The following FNDC3A variants were observed in gnomAD, a reference collection of about 807,000 sequenced individuals.
FNDC3A encodes the protein fibronectin type-III domain-containing protein 3A.
In FNDC3A, 32 loss-of-function variants were observed where a neutral mutation model predicts 148.9. The observed-to-expected ratio is 0.21, with a 90% CI of 0.16 to 0.29. The LOEUF is 0.29. FNDC3A is among the 10% of genes least tolerant of loss of function. The probability of loss-of-function intolerance (pLI) is 1.00; values close to 1 mark genes in which losing one functional copy is unlikely to be tolerated. For synonymous variants in FNDC3A, 472 were observed against 473.6 expected (o/e 1.00, Z 0.04); for missense variants, 1,191 against 1,452.8 (o/e 0.82, Z 2.93).
At chr13:49,172,200 A>C in intron 11 of FNDC3A, 104 bp downstream of exon 11, 1 of 661,084 alleles carries the variant, frequency 1.5e-6, no homozygotes. Context: ...CTTCTGTCAA[A>C]AAAAGTATGA....
At chr13:48,976,552 C>G (rs575330295) in intron 1 of FNDC3A, 1 of 152,538 alleles carries the variant, frequency 6.6e-6, no homozygotes, top group African/African-American at 2.4e-5. Context: ...CCGCCTCCTC[C>G]CCGCGGCGAG....
chr13:49,203,247 T>G lies in FNDC3A; in HGVS notation c.3245T>G (p.Leu1082Arg). The G allele has an allele frequency of 1.2e-6, 2 of 1,608,072 alleles. No individual in the cohort carries two copies. Among genetic ancestry groups the G allele is most frequent in the African/African-American group, 1.3e-5 (1 of 74,950 alleles). Residue 1082 changes from leucine to arginine, a missense_variant, in exon 25 of 26, where the codon CTT (leucine) becomes CGT (arginine). This residue lies in a region of FNDC3A where 751 missense variants were observed against 944.0 expected (regional missense o/e 0.80). Coordinates refer to ENST00000492622, the MANE Select transcript of FNDC3A (RefSeq NM_001079673.2). The stretch of plus-strand genomic sequence containing the variant: ...AAAGGTGATCCAGTTATTTACAGTC[T>G]TCAAGTTATGTTGGGAAAAGATTCA... ...PMKGDPVIYSLQVMLGKDSEF... is the reference protein window; with the variant it reads ...PMKGDPVIYSRQVMLGKDSEF...
rs559386044 is a variant in FNDC3A at position 49,167,705 on chromosome 13, C to G, written c.1037+402C>G. Among the ~76,000 whole-genome samples the G allele has an allele frequency of 3.6e-5, 5 of 138,802 alleles. No homozygotes were observed. The South Asian group carries it at 1.1e-3, about 31-fold the overall frequency. 91.1% of individuals were successfully genotyped at this position (138,802 alleles called of 152,430 possible). The stretch of plus-strand genomic sequence containing the variant: ...TGGGCTACAAAGTGAGACCTTGTCT[C>G]AAACAAAAAAAAAAACTTTGCAGAC... On this transcript the variant is annotated intron_variant, in intron 9 of 25. Coordinates refer to ENST00000492622, the MANE Select transcript of FNDC3A (RefSeq NM_001079673.2).
At chr13:49,173,652 T>G (rs1169403893) in intron 11 of FNDC3A, among the ~76,000 whole-genome samples, 2 of 152,190 alleles carry the variant, frequency 1.3e-5, no homozygotes, top group African/African-American at 2.4e-5. Flanking sequence ...TGTCATTATT[T>G]AGAGATGATA....
chr13:49,117,834 A>G (rs1012352918), intron 4 of FNDC3A, among the ~76,000 whole-genome samples: 1 of 152,162 alleles, frequency 6.6e-6, no homozygotes, highest in Non-Finnish European at 1.5e-5. Flanking sequence ...CCTGGAACCA[A>G]TCCCCCATGC....
intron 8 of FNDC3A, among the ~76,000 whole-genome samples, chr13:49,150,081 T>C (rs756769364): frequency 3.9e-5 from 6 of 152,146 alleles, no homozygotes; most frequent in Non-Finnish European, 8.8e-5. Context: ...TTGATTAGTC[T>C]AGGTGGTGGT....
intron 16 of FNDC3A, 101 bp downstream of exon 16, chr13:49,187,291 T>C (rs1885627907): frequency 1.1e-5 from 11 of 1,000,478 alleles, no homozygotes; most frequent in Non-Finnish European, 1.5e-5. Context: ...TCTTCTTGCT[T>C]TTCATAAGGT....
intron 4 of FNDC3A, among the ~76,000 whole-genome samples, chr13:49,129,919 T>C (rs1593632043): frequency 6.6e-6 from 1 of 152,322 alleles, no homozygotes; most frequent in East Asian, 1.9e-4. Context: ...TAATTTGCTA[T>C]CCTTAAGCAT....
At chr13:49,100,085 A>G (rs1254383790) in intron 3 of FNDC3A, among the ~76,000 whole-genome samples, 1 of 152,162 alleles carries the variant, frequency 6.6e-6, no homozygotes, top group Non-Finnish European at 1.5e-5. Context: ...AAATTAAAAT[A>G]CATATATACT....
intron 3 of FNDC3A, among the ~76,000 whole-genome samples, chr13:49,088,005 T>G (rs1028867159): frequency 6.6e-6 from 1 of 152,180 alleles, no homozygotes; most frequent in African/African-American, 2.4e-5. Context: ...GATCAGATTT[T>G]TATTAGAATG....
chr13:49,160,542 A>G (rs970640421), intron 8 of FNDC3A, among the ~76,000 whole-genome samples: 2 of 151,192 alleles, frequency 1.3e-5, no homozygotes, highest in Non-Finnish European at 2.9e-5. Flanking sequence ...GCGGTCTATC[A>G]ATTTTGTTGA....
At chr13:49,093,054 G>A (rs1379171721) in intron 3 of FNDC3A, among the ~76,000 whole-genome samples, 1 of 152,072 alleles carries the variant, frequency 6.6e-6, no homozygotes, top group Non-Finnish European at 1.5e-5. Context: ...GATTTCTAAA[G>A]AATAATTTTT....
chr13:49,172,529 A>G (rs1884809785), intron 11 of FNDC3A, among the ~76,000 whole-genome samples: 1 of 152,160 alleles, frequency 6.6e-6, no homozygotes, highest in Admixed American at 6.5e-5. Context: ...TTAGAGGAGA[A>G]TCTGTTTCCT....
chr13:49,020,013 T>G (rs996978080), intron 2 of FNDC3A, among the ~76,000 whole-genome samples: 1 of 152,228 alleles, frequency 6.6e-6, no homozygotes, highest in African/African-American at 2.4e-5. Context: ...TACTTCATCT[T>G]AAGTTTGGAA....
At chr13:49,007,145 T>A (rs1427123404) in intron 2 of FNDC3A, among the ~76,000 whole-genome samples, 1 of 152,112 alleles carries the variant, frequency 6.6e-6, no homozygotes, top group African/African-American at 2.4e-5. Flanking sequence ...TCATACTGCC[T>A]CCTTGGAAAA....
intron 2 of FNDC3A, among the ~76,000 whole-genome samples, chr13:49,039,771 A>G (rs151247056): frequency 0.01 from 1,521 of 152,048 alleles, 31 homozygotes; most frequent in African/African-American, 0.035. Flanking sequence ...CTGGAGTGCA[A>G]TGGCGCAATC....
chr13:49,069,655 G>A (rs1014917189), intron 2 of FNDC3A, among the ~76,000 whole-genome samples: 1 of 152,128 alleles, frequency 6.6e-6, no homozygotes, highest in Non-Finnish European at 1.5e-5. Flanking sequence ...AAGTGCTCAG[G>A]TAACAGACTA....
chr13:49,016,401 G>A (rs1424566324), intron 2 of FNDC3A, among the ~76,000 whole-genome samples: 11 of 152,050 alleles, frequency 7.2e-5, no homozygotes, highest in Non-Finnish European at 1.3e-4. Flanking sequence ...AGAGGTGTTT[G>A]TAGTATTCTC....
At chr13:49,001,408 T>C (rs138335190) in intron 1 of FNDC3A, among the ~76,000 whole-genome samples, 6 of 152,178 alleles carry the variant, frequency 3.9e-5, no homozygotes, top group African/African-American at 1.4e-4. Flanking sequence ...GTTTGAACAA[T>C]ATGAAATCTG....
Sources: gnomAD v4.1 joint callset for allele counts (sites outside exome capture counted in the v4.1 genomes callset) on GRCh38, gnomAD v4.1.1 for gene constraint, gnomAD v4.1.1 regional missense constraint, MANE v1.5 for transcripts, NCBI Gene and HGNC (gene_info 2026-07-23, HGNC 2026-07-21) for gene names.